FOSL2: variants seen among roughly 807,000 people sequenced by gnomAD.
The protein encoded by FOSL2 is FOS like 2, AP-1 transcription factor subunit, also known as fos-related antigen 2.
Under a neutral mutation model 27.7 loss-of-function variants are expected in FOSL2, and 3 were observed. The observed-to-expected ratio is 0.11, with a 90% CI of 0.05 to 0.28. FOSL2 has a LOEUF of 0.28. Ranked by LOEUF, FOSL2 falls within the 10% of genes least tolerant of loss-of-function variation. FOSL2 has a pLI of 1.00. For missense variants in FOSL2, 333 were observed against 445.1 expected (o/e 0.75, Z 2.27); for synonymous variants, 179 against 190.1 (o/e 0.94, Z 0.48).
rs567823451 is a variant in FOSL2 at position 28,398,535 on chromosome 2, G to C, written c.102+4713G>C. Reference sequence around the variant, plus strand: ...CCCAGTGCTTTGGAGTGGCGCTTCTGGCCAAAAGGGCCCTGGCAGGGAAGC... The same window carrying C: ...CCCAGTGCTTTGGAGTGGCGCTTCTCGCCAAAAGGGCCCTGGCAGGGAAGC... On this transcript the variant is annotated intron_variant, in intron 1 of 3. Coordinates refer to ENST00000264716, the MANE Select transcript of FOSL2 (RefSeq NM_005253.4). Among the ~76,000 whole-genome samples the C allele has an allele frequency of 2.0e-5, 3 of 152,358 alleles. No homozygotes were observed. The South Asian group carries it at 6.2e-4, about 32-fold the overall frequency.
Position 28,408,142 on chromosome 2 carries a change from C to T in FOSL2, c.355-617C>T, listed in dbSNP as rs1287415025. Among the ~76,000 whole-genome samples, 2 of 152,128 alleles carry T rather than the reference C, an allele frequency of 1.3e-5. No individual in the cohort carries two copies. Among genetic ancestry groups the T allele is most frequent in the African/African-American group, 2.4e-5 (1 of 41,422 alleles). ...TGTGGGGGAGTACCTGGGGTTGAAC[C>T]GTGAGCAGCTGGCACCCTGGGATTG... is the stretch of plus-strand genomic sequence containing the variant. On this transcript the variant is annotated intron_variant, in intron 2 of 3. Transcript: ENST00000264716. The surrounding 1 kb of genome is among the most constrained non-coding windows in gnomAD (Gnocchi z 4.1).
chr2:28,409,107 C>A (rs934005265), intron 3 of FOSL2, among the ~76,000 whole-genome samples: 1 of 152,196 alleles, frequency 6.6e-6, no homozygotes. Context: ...AATGAACAAC[C>A]TTCTGTGGGG....
intron 1 of FOSL2, among the ~76,000 whole-genome samples, chr2:28,403,326 C>G (rs760704386): frequency 4.6e-5 from 7 of 152,138 alleles, no homozygotes; most frequent in Non-Finnish European, 7.4e-5. Flanking sequence ...AATTAAGAAG[C>G]GGGGAGAAAA....
chr2:28,396,637 GA>G (rs530609439), intron 1 of FOSL2, among the ~76,000 whole-genome samples: 382 of 151,968 alleles, frequency 2.5e-3, no homozygotes, highest in Non-Finnish European at 4.5e-3. Context: ...CCCTTTTAAT[GA>G]AAAAACAAAA....
In FOSL2 at chr2:28,414,844, C is replaced by T. The variant is rs1304691501; in HGVS notation, c.*2396C>T. ...GCAAACGTCCAGCCAACACACAGGA[C>T]TGTAAGAGGACTCTGAGCTACGTGC... On this transcript the variant is annotated 3_prime_UTR_variant, in exon 4 of 4. Coordinates refer to ENST00000264716, the MANE Select transcript of FOSL2 (RefSeq NM_005253.4). The T allele has an allele frequency of 6.6e-6, 1 of 152,166 alleles. No homozygotes were observed. Among genetic ancestry groups the T allele is most frequent in the Non-Finnish European group, 1.5e-5 (1 of 68,040 alleles). The allele number at this position is 152,166 out of a possible 1,614,324, so 9.4% of individuals were successfully genotyped here.
At chr2:28,400,903 C>T (rs369845282) in intron 1 of FOSL2, among the ~76,000 whole-genome samples, 2 of 152,300 alleles carry the variant, frequency 1.3e-5, no homozygotes, top group South Asian at 2.1e-4. Flanking sequence ...AAGCCTAAAA[C>T]GGGAGCACTT....
At chr2:28,411,062 A>G (rs1409128051) in intron 3 of FOSL2, among the ~76,000 whole-genome samples, 3 of 151,644 alleles carry the variant, frequency 2.0e-5, no homozygotes, top group African/African-American at 7.3e-5. Flanking sequence ...ACTGGAGAAT[A>G]GCTTGAACCC....
At chr2:28,409,097 A>G (rs1274754646) in intron 3 of FOSL2, among the ~76,000 whole-genome samples, 22 of 152,206 alleles carry the variant, frequency 1.4e-4, no homozygotes, top group Non-Finnish European at 1.3e-4. Flanking sequence ...AGAGGGAAGA[A>G]ATGAACAACC....
chr2:28,393,050 C>T lies in FOSL2; in HGVS notation c.-671C>T. 5.9e-6 allele frequency: 3 copies of T among 512,630 alleles called. No homozygotes were observed. Among genetic ancestry groups the T allele is most frequent in the East Asian group, 3.4e-5 (1 of 29,108 alleles). The allele number at this position is 512,630 out of a possible 1,614,324, so 31.8% of individuals were successfully genotyped here. Reference sequence around the variant, plus strand: ...CGGGTCTGGGCGCCGGAGCGGGGAGCGGGGCCGCGTCCCTCTCAGCGCCAG... The same window carrying T: ...CGGGTCTGGGCGCCGGAGCGGGGAGTGGGGCCGCGTCCCTCTCAGCGCCAG... On this transcript the variant is annotated 5_prime_UTR_variant, in exon 1 of 4. Transcript: ENST00000264716. The surrounding 1 kb of genome is among the most constrained non-coding windows in gnomAD (Gnocchi z 4.6).
In FOSL2 at chr2:28,393,872, C is replaced by A; in HGVS notation, c.102+50C>A. 8.1e-7 allele frequency: 1 copy of A among 1,234,270 alleles called. No homozygotes were observed. The highest frequency in any genetic ancestry group is 1.3e-5 in the South Asian group (1 of 74,702). 76.5% of individuals were successfully genotyped at this position (1,234,270 alleles called of 1,614,324 possible). On this transcript the variant is annotated intron_variant, in intron 1 of 3. Transcript: ENST00000264716. The surrounding 1 kb of genome is among the most constrained non-coding windows in gnomAD (Gnocchi z 4.6). Reference sequence around the variant, plus strand: ...GGCGGCGCGGGCGGACCCCTGCCCTCTTCTCGCCGCCACTGCCTCTTTTGC... The same window carrying A: ...GGCGGCGCGGGCGGACCCCTGCCCTATTCTCGCCGCCACTGCCTCTTTTGC...
At chr2:28,396,562 A>G (rs1558564421) in intron 1 of FOSL2, among the ~76,000 whole-genome samples, 1 of 151,992 alleles carries the variant, frequency 6.6e-6, no homozygotes, top group Non-Finnish European at 1.5e-5. Flanking sequence ...GGGCCTGAGC[A>G]TTACGCAATC....
intron 2 of FOSL2, among the ~76,000 whole-genome samples, chr2:28,407,510 C>G (rs943851202): frequency 6.6e-6 from 1 of 152,232 alleles, no homozygotes; most frequent in Non-Finnish European, 1.5e-5. Context: ...TGGACCCAAC[C>G]AGGACAGTGG....
intron 1 of FOSL2, chr2:28,396,789 G>GACACGCAC (rs1663846152): frequency 8.9e-6 from 1 of 112,228 alleles, no homozygotes; most frequent in Non-Finnish European, 1.7e-5. Context: ...CCCTTCCCAA[G>GACACGCAC]ACACACACAC....
chr2:28,412,269 A>G lies in FOSL2; in HGVS notation c.802A>G (p.Thr268Ala). The change falls in exon 4 of 4, where the codon ACC (threonine) becomes GCC (alanine). Residue 268 changes from threonine (T) to alanine (A), a missense_variant. By Grantham distance (58) the Thr-to-Ala change is moderately conservative. Around this residue, in one of 4 missense-constraint regions of FOSL2, gnomAD observed 136 missense variants for 123.7 expected, o/e 1.10. Coordinates refer to ENST00000264716, the MANE Select transcript of FOSL2 (RefSeq NM_005253.4). The surrounding 1 kb of genome is among the most constrained non-coding windows in gnomAD (Gnocchi z 7.1). The part of the protein sequence containing the change: ...EEPLHTPIVV[T>A]STPAVTPGTS... ...GCCCCTGCACACCCCCATCGTGGTG[A>G]CCTCCACACCTGCTGTCACTCCGGG... 6.2e-7 allele frequency: 1 copy of G among 1,613,394 alleles called. No individual in the cohort carries two copies. The highest frequency in any genetic ancestry group is 1.1e-5 in the South Asian group (1 of 91,046).
At chr2:28,399,351 CATGG>C (rs1390084410) in intron 1 of FOSL2, among the ~76,000 whole-genome samples, 24 of 152,292 alleles carry the variant, frequency 1.6e-4, no homozygotes, top group African/African-American at 5.8e-4. Flanking sequence ...AGCAAAAAGC[CATGG>C]GTTCATAGCT....
chr2:28,406,614 ATCTG>A (rs1664088926), intron 2 of FOSL2, among the ~76,000 whole-genome samples: 2 of 152,170 alleles, frequency 1.3e-5, no homozygotes, highest in African/African-American at 4.8e-5. Flanking sequence ...GCCTCATACA[ATCTG>A]TCTGGAGAGT....
Position 28,412,462 on chromosome 2 carries a change from C to T in FOSL2, c.*14C>T. ...CTGGCTCTGTAACCCAGTGCACCTCCCTCCCCAGCTCCGGAGGGGGTCCTC... is the reference window on the plus strand; with the variant it reads ...CTGGCTCTGTAACCCAGTGCACCTCTCTCCCCAGCTCCGGAGGGGGTCCTC... On this transcript the variant is annotated 3_prime_UTR_variant, in exon 4 of 4. Transcript: ENST00000264716. The surrounding 1 kb of genome is among the most constrained non-coding windows in gnomAD (Gnocchi z 7.1). 6.3e-7 allele frequency: 1 copy of T among 1,592,840 alleles called. No homozygotes were observed. Among genetic ancestry groups the T allele is most frequent in the Admixed American group, 1.7e-5 (1 of 59,892 alleles).
intron 2 of FOSL2, among the ~76,000 whole-genome samples, chr2:28,405,603 G>A (rs1411275146): frequency 6.6e-6 from 1 of 152,148 alleles, no homozygotes; most frequent in African/African-American, 2.4e-5. Flanking sequence ...GAATTACAGG[G>A]ATCACCACAC....
At chr2:28,402,606 G>T (rs1233144043) in intron 1 of FOSL2, among the ~76,000 whole-genome samples, 1 of 152,232 alleles carries the variant, frequency 6.6e-6, no homozygotes, top group East Asian at 1.9e-4. Flanking sequence ...AATGATAGTG[G>T]GGTTCCATTC....
Sources: gnomAD v4.1 joint callset for allele counts (sites outside exome capture counted in the v4.1 genomes callset) on GRCh38, gnomAD v4.1.1 for gene constraint, gnomAD v4.1.1 regional missense constraint, Gnocchi (gnomAD v3.1) non-coding constraint, MANE v1.5 for transcripts, NCBI Gene and HGNC (gene_info 2026-07-23, HGNC 2026-07-21) for gene names.